Variants in FAM149A observed in about 807,000 individuals in gnomAD.
FAM149A encodes the protein family with sequence similarity 149 member A.
Under a neutral mutation model 78.2 loss-of-function variants are expected in FAM149A, and 71 were observed. The observed-to-expected ratio is 0.91, with a 90% CI of 0.75 to 1.11. FAM149A has a LOEUF of 1.11. FAM149A is among the 50% of genes least tolerant of loss of function. The probability of loss-of-function intolerance (pLI) is 0.00; values close to 1 mark genes in which losing one functional copy is unlikely to be tolerated. For synonymous variants in FAM149A, 446 were observed against 410.5 expected (o/e 1.09, Z -1.04); for missense variants, 1,036 against 971.0 (o/e 1.07, Z -0.89).
chr4:186,156,849 C>T (rs1734068370), intron 7 of FAM149A, among the ~76,000 whole-genome samples: 1 of 152,042 alleles, frequency 6.6e-6, no homozygotes, highest in Admixed American at 6.5e-5. Flanking sequence ...GTGGCACATG[C>T]CTGTAGGCCC....
chr4:186,160,347 CCA>C (rs1458653754), intron 8 of FAM149A, among the ~76,000 whole-genome samples: 2 of 143,450 alleles, frequency 1.4e-5, no homozygotes, highest in African/African-American at 2.6e-5. Context: ...CACAAACACA[CCA>C]CACACACAGA....
rs780543725 is a variant in FAM149A, at chr4:186,165,440, A to G, written c.1986A>G (p.Ala662=). ...CGGAGACCAGGGGGCAGAATACAGC[A>G]GTTCCTGGATGCCGCCTTGTTTCTG... The change falls in exon 11 of 14, where the codon GCA becomes GCG. Residue 662 remains alanine, a synonymous_variant. Transcript: ENST00000389354. The G allele has an allele frequency of 2.9e-5, 47 of 1,614,230 alleles. No individual in the cohort carries two copies. The East Asian group carries it at 8.2e-4, about 28-fold the overall frequency.
intron 1 of FAM149A, chr4:186,145,171 G>T (rs1732930710): frequency 3.0e-6 from 3 of 983,772 alleles, no homozygotes; most frequent in Non-Finnish European, 3.6e-6. Context: ...GATGTGCGCG[G>T]TGTTCTCCGC....
intron 1 of FAM149A, chr4:186,118,315 T>C (rs1483585332): frequency 1.6e-5 from 14 of 855,256 alleles, no homozygotes; most frequent in Non-Finnish European, 2.0e-5. Context: ...TGCCATTAGC[T>C]ACCTGCTTGC....
chr4:186,161,387 G>C (rs148025115), intron 8 of FAM149A, among the ~76,000 whole-genome samples: 2 of 152,304 alleles, frequency 1.3e-5, no homozygotes, highest in African/African-American at 4.8e-5. Flanking sequence ...GGGAGCAGTG[G>C]GGAGAACAGA....
chr4:186,166,649 TAA>T (rs76402174), intron 11 of FAM149A, among the ~76,000 whole-genome samples: 17,603 of 104,812 alleles, frequency 0.17, 2,964 homozygotes, highest in African/African-American at 0.45. Context: ...AGACTCTGTT[TAA>T]AAAAAAAAAA....
intron 1 of FAM149A, chr4:186,109,446 CTG>C: frequency 1.0e-6 from 1 of 980,848 alleles, no homozygotes; most frequent in Non-Finnish European, 1.2e-6. Flanking sequence ...TCCTCTGACA[CTG>C]AGGCAGCCTC....
At chr4:186,135,810 G>T (rs902752558) in intron 1 of FAM149A, among the ~76,000 whole-genome samples, 3 of 152,176 alleles carry the variant, frequency 2.0e-5, no homozygotes, top group African/African-American at 7.2e-5. Context: ...GCACTGAATA[G>T]ACCCACAAAA....
chr4:186,126,001 C>T (rs951389854), intron 1 of FAM149A: 2 of 985,286 alleles, frequency 2.0e-6, no homozygotes, highest in African/African-American at 1.7e-5. Context: ...AAATTCTAAC[C>T]TCTAGAGCCT....
chr4:186,130,293 C>CTCTCTCTCTATATATA lies in FAM149A; in HGVS notation c.567-18879_567-18878insCTCTCTCTATATATAT. 211 of 46,544 alleles carry CTCTCTCTCTATATATA rather than the reference C, an allele frequency of 4.5e-3. 2 individuals carry two copies. Among genetic ancestry groups the CTCTCTCTCTATATATA allele is most frequent in the Non-Finnish European group, 5.9e-3 (153 of 25,900 alleles). The allele number at this position is 46,544 out of a possible 1,614,324, so 2.9% of individuals were successfully genotyped here. ...TCTCTCTCTCTCTCTCTCTCTCTCT[C>CTCTCTCTCTATATATA]TATATATATATATATATATATAATC... On this transcript the variant is annotated intron_variant, in intron 1 of 13. Transcript: ENST00000389354.
In FAM149A at chr4:186,161,743, T is replaced by C. The variant is rs139838860; in HGVS notation, c.1576-1102T>C. ...GACAGCAAAGTTAACAGAATAAAAA[T>C]AGAGCCTGCTTTGAAATACTCAAGG... On this transcript the variant is annotated intron_variant, in intron 8 of 13. Coordinates refer to ENST00000389354, the MANE Select transcript of FAM149A (RefSeq NM_001367768.3). Among the ~76,000 whole-genome samples, 1,152 of 152,304 alleles carry C rather than the reference T, an allele frequency of 7.6e-3. 17 individuals carry two copies. The highest frequency in any genetic ancestry group is 0.027 in the African/African-American group (1,102 of 41,568).
rs1274238324 is a variant in FAM149A, at chr4:186,163,424, G to A, written c.1680G>A (p.Gln560=). Residue 560 remains glutamine (Q), a splice_region_variant and synonymous_variant, in exon 10 of 14, where the codon CAG becomes CAA. Coordinates refer to ENST00000389354, the MANE Select transcript of FAM149A (RefSeq NM_001367768.3). ...GTAGCTCACAGGATTTCCTTCCCAGGAATGAGAAGGAGGACAAAGCATCGG... is the reference window on the plus strand; with the variant it reads ...GTAGCTCACAGGATTTCCTTCCCAGAAATGAGAAGGAGGACAAAGCATCGG... 6.2e-7 allele frequency: 1 copy of A among 1,610,860 alleles called. No homozygotes were observed. The highest frequency in any genetic ancestry group is 8.5e-7 in the Non-Finnish European group (1 of 1,177,828).
Position 186,136,936 on chromosome 4 carries a change from A to ATCTCTCTCTCTCTCTCTCTCTTTC in FAM149A, c.567-12216_567-12215insTTCTCTCTCTCTCTCTCTCTCTCT, listed in dbSNP as rs2099323016. Among the ~76,000 whole-genome samples, 36 of 88,152 alleles carry ATCTCTCTCTCTCTCTCTCTCTTTC rather than the reference A, an allele frequency of 4.1e-4. 1 individual carries two copies. The highest frequency in any genetic ancestry group is 6.1e-4 in the Non-Finnish European group (27 of 44,348). 57.8% of individuals were successfully genotyped at this position (88,152 alleles called of 152,430 possible). On this transcript the variant is annotated intron_variant, in intron 1 of 13. Coordinates refer to ENST00000389354, the MANE Select transcript of FAM149A (RefSeq NM_001367768.3). The stretch of plus-strand genomic sequence containing the variant: ...TTGTGAAGCTCAAATACACTGATTG[A>ATCTCTCTCTCTCTCTCTCTCTTTC]TCTCTCTCTCTCTCTCTCTCTCTCT...
chr4:186,130,293 C>CTATATATATATATATATATA (rs1554068050), intron 1 of FAM149A: 2 of 46,592 alleles, frequency 4.3e-5, no homozygotes, highest in African/African-American at 1.8e-4. Flanking sequence ...CTCTCTCTCT[C>CTATATATATATATATATATA]TATATATATA....
chr4:186,125,721 T>C, intron 1 of FAM149A: 1 of 984,670 alleles, frequency 1.0e-6, no homozygotes, highest in Non-Finnish European at 1.2e-6. Flanking sequence ...CTACTATTAT[T>C]GTGAATAGCT....
At chr4:186,160,717 C>G (rs1193337286) in intron 8 of FAM149A, 1 of 874,750 alleles carries the variant, frequency 1.1e-6, no homozygotes, top group Non-Finnish European at 1.4e-6. Context: ...ACACACCACA[C>G]ACACACCTCA....
rs1490687016 is a variant in FAM149A at position 186,116,348 on chromosome 4, C to A, written c.566+10706C>A. On this transcript the variant is annotated intron_variant, in intron 1 of 13. Transcript: ENST00000389354. ...CTCAGATGGAAATGCAGAAATCACC[C>A]GTCTTCTGTGTCACTCACGCTGGGA... is the stretch of plus-strand genomic sequence containing the variant. 9.4e-6 allele frequency: 4 copies of A among 424,236 alleles called. No homozygotes were observed. The South Asian group carries it at 4.0e-4, about 42-fold the overall frequency. 26.3% of individuals were successfully genotyped at this position (424,236 alleles called of 1,614,324 possible). A position where few individuals can be genotyped will look rare whatever the true frequency, so the allele number is the denominator to read the frequency against.
rs540456423 is a variant in FAM149A at position 186,174,310 on chromosome 4, C to A, written c.*2323C>A. On this transcript the variant is annotated 3_prime_UTR_variant, in exon 14 of 14. Coordinates refer to ENST00000389354, the MANE Select transcript of FAM149A (RefSeq NM_001367768.3). ...ATGTGTTCTCATCATTTAGCTCCCA[C>A]TTAGAAGTGAGAACGGATGGCATTT... 9.0e-6 allele frequency among the ~76,000 whole-genome samples: 1 copy of A among 110,854 alleles called. No individual in the cohort carries two copies. The highest frequency in any genetic ancestry group is 2.2e-4 in the East Asian group (1 of 4,456). The allele number at this position is 110,854 out of a possible 152,430, so 72.7% of individuals were successfully genotyped here.
At chr4:186,150,489 G>A (rs1353722046) in intron 3 of FAM149A, among the ~76,000 whole-genome samples, 14 of 124,422 alleles carry the variant, frequency 1.1e-4, no homozygotes, top group Admixed American at 1.1e-3. Context: ...GCGCGATCTC[G>A]GCTCACTGCA....
Sources: gnomAD v4.1 joint callset for allele counts (sites outside exome capture counted in the v4.1 genomes callset) on GRCh38, gnomAD v4.1.1 for gene constraint, MANE v1.5 for transcripts, NCBI Gene and HGNC (gene_info 2026-07-23, HGNC 2026-07-21) for gene names.